Variants in FBXW7 observed in about 807,000 individuals in gnomAD.
The protein encoded by FBXW7 is F-box/WD repeat-containing protein 7.
In FBXW7, 11 loss-of-function variants were observed where a neutral mutation model predicts 86.3. The observed-to-expected ratio is 0.13, with a 90% CI of 0.08 to 0.21. FBXW7 has a LOEUF of 0.21. Among genes scored for constraint, FBXW7 ranks in the 10% least tolerant of loss-of-function variants. The probability of loss-of-function intolerance (pLI) is 1.00; values close to 1 mark genes in which losing one functional copy is unlikely to be tolerated. For synonymous variants in FBXW7, 313 were observed against 297.9 expected (o/e 1.05, Z -0.52); for missense variants, 488 against 847.4 (o/e 0.58, Z 5.27).
intron 4 of FBXW7, among the ~76,000 whole-genome samples, chr4:152,382,945 T>C (rs1735222336): frequency 6.6e-6 from 1 of 152,052 alleles, no homozygotes; most frequent in African/African-American, 2.4e-5. Flanking sequence ...TGAGCACTAT[T>C]TTCAAGTGTG....
chr4:152,479,014 A>G (rs952225416), intron 2 of FBXW7, among the ~76,000 whole-genome samples: 1 of 152,144 alleles, frequency 6.6e-6, no homozygotes, highest in African/African-American at 2.4e-5. Flanking sequence ...GAACTAAAAT[A>G]GGCTTAAAAG....
intron 2 of FBXW7, among the ~76,000 whole-genome samples, chr4:152,456,332 T>C (rs910149695): frequency 1.6e-5 from 2 of 128,846 alleles, no homozygotes; most frequent in African/African-American, 5.9e-5. Context: ...TGGGCAACAG[T>C]CAGGCCCTAT....
intron 4 of FBXW7, among the ~76,000 whole-genome samples, chr4:152,396,692 C>T (rs1736443452): frequency 6.6e-6 from 1 of 152,024 alleles, no homozygotes; most frequent in Non-Finnish European, 1.5e-5. Flanking sequence ...CTAACAATAA[C>T]TCATTTCATT....
Position 152,336,067 on chromosome 4 carries a change from G to A in FBXW7, c.861+1735C>T, listed in dbSNP as rs540463540. Among the ~76,000 whole-genome samples, 8 of 152,222 alleles carry A rather than the reference G, an allele frequency of 5.3e-5. No homozygotes were observed. In the East Asian group the frequency reaches 1.5e-3, roughly 29 times the overall value. ...TTAAATAATAATACTTTGTTTCTGA[G>A]AAGATAATGTTTTCTATATCATTAT... On this transcript the variant is annotated intron_variant, in intron 7 of 13. Transcript: ENST00000281708.
At chr4:152,449,950 T>G (rs1195187391) in intron 2 of FBXW7, among the ~76,000 whole-genome samples, 1 of 152,206 alleles carries the variant, frequency 6.6e-6, no homozygotes, top group Non-Finnish European at 1.5e-5. Context: ...AGCACCCTTT[T>G]TGGGGAAGAT....
intron 7 of FBXW7, among the ~76,000 whole-genome samples, chr4:152,334,695 T>C (rs1217740712): frequency 6.6e-6 from 1 of 152,158 alleles, no homozygotes; most frequent in Non-Finnish European, 1.5e-5. Flanking sequence ...ATAGTGATTA[T>C]GAGATCATCT....
chr4:152,413,516 T>G (rs533010091), intron 2 of FBXW7, among the ~76,000 whole-genome samples: 1 of 152,150 alleles, frequency 6.6e-6, no homozygotes, highest in Non-Finnish European at 1.5e-5. Context: ...TTCTCAAGAT[T>G]ACTAGTTTCA....
intron 2 of FBXW7, among the ~76,000 whole-genome samples, chr4:152,528,708 T>G (rs1749749655): frequency 6.6e-6 from 1 of 152,194 alleles, no homozygotes; most frequent in South Asian, 2.1e-4. Context: ...TCACGTACTT[T>G]GAGAAAATAC....
At chr4:152,472,258 A>G (rs1462479321) in intron 2 of FBXW7, among the ~76,000 whole-genome samples, 1 of 152,230 alleles carries the variant, frequency 6.6e-6, no homozygotes, top group Non-Finnish European at 1.5e-5. Context: ...ACTAAGCTGA[A>G]GATAAACCCA....
rs752024859 is a variant in FBXW7, at chr4:152,328,172, G to A, written c.1418+36C>T. 7 of 1,555,568 alleles carry A rather than the reference G, an allele frequency of 4.5e-6. No homozygotes were observed. In the African/African-American group the frequency reaches 9.8e-5, roughly 22 times the overall value. On this transcript the variant is annotated intron_variant, in intron 11 of 13. Coordinates refer to ENST00000281708, the MANE Select transcript of FBXW7 (RefSeq NM_001349798.2). ...AGGGCCCAAATTCACCAATAATAGA[G>A]GAAGAAGTCCCAACCATGACAAGAT...
chr4:152,436,606 A>G (rs1317715138), intron 2 of FBXW7, among the ~76,000 whole-genome samples: 3 of 152,226 alleles, frequency 2.0e-5, no homozygotes, highest in Non-Finnish European at 4.4e-5. Flanking sequence ...TGACTCTTCT[A>G]GCTGGACAGG....
At chr4:152,508,202 T>C (rs1043715715) in intron 2 of FBXW7, among the ~76,000 whole-genome samples, 12 of 151,756 alleles carry the variant, frequency 7.9e-5, no homozygotes, top group South Asian at 6.2e-4. Flanking sequence ...ATGATGATAA[T>C]AGATGAAATC....
intron 4 of FBXW7, among the ~76,000 whole-genome samples, chr4:152,383,078 G>C (rs1333810535): frequency 1.3e-5 from 2 of 152,102 alleles, no homozygotes; most frequent in Non-Finnish European, 2.9e-5. Flanking sequence ...TTGTACCAGA[G>C]TTTTCAATTG....
At chr4:152,333,600 C>T (rs1035882256) in intron 7 of FBXW7, among the ~76,000 whole-genome samples, 2 of 151,986 alleles carry the variant, frequency 1.3e-5, no homozygotes, top group Non-Finnish European at 2.9e-5. Flanking sequence ...CAATTAAGTT[C>T]AGTTTTCATA....
In FBXW7 at chr4:152,324,516, G is replaced by A. The variant is rs1728832821; in HGVS notation, c.1645-122C>T. 1.1e-5 allele frequency: 8 copies of A among 744,678 alleles called. No individual in the cohort carries two copies. In the South Asian group the frequency reaches 1.3e-4, roughly 12 times the overall value. 46.1% of individuals were successfully genotyped at this position (744,678 alleles called of 1,614,324 possible). A position where few individuals can be genotyped will look rare whatever the true frequency, so the allele number is the denominator to read the frequency against. ...ACAGGTAATGCCAGGAACAAAATGA[G>A]GTACTAAGATAAAGTGGCAATGAGG... On this transcript the variant is annotated intron_variant, in intron 12 of 13. Coordinates refer to ENST00000281708, the MANE Select transcript of FBXW7 (RefSeq NM_001349798.2).
In FBXW7 at chr4:152,496,777, T is replaced by C. The variant is rs143944046; in HGVS notation, c.-120+38164A>G. On this transcript the variant is annotated intron_variant, in intron 2 of 13. Transcript: ENST00000281708. ...CTGTAACCTGTAAATTCAATGAGAT[T>C]CCAATCACATTTCCAACAGGGTTTG... is the stretch of plus-strand genomic sequence containing the variant. Among the ~76,000 whole-genome samples, 33 of 152,334 alleles carry C rather than the reference T, an allele frequency of 2.2e-4. No homozygotes were observed. The East Asian group carries it at 6.0e-3, about 28-fold the overall frequency.
At chr4:152,481,998 T>C (rs1357751216) in intron 2 of FBXW7, among the ~76,000 whole-genome samples, 7 of 152,204 alleles carry the variant, frequency 4.6e-5, no homozygotes, top group Non-Finnish European at 1.0e-4. Flanking sequence ...TTTTGAAGAA[T>C]TTCTACTGTG....
At chr4:152,426,898 A>G (rs1739438934) in intron 2 of FBXW7, among the ~76,000 whole-genome samples, 1 of 152,236 alleles carries the variant, frequency 6.6e-6, no homozygotes, top group South Asian at 2.1e-4. Context: ...TTGGGAAAAC[A>G]GAGTCAAGAA....
chr4:152,535,037 AG>A lies in FBXW7; in HGVS notation c.-212-5del, dbSNP rs760947584. Reference sequence around the variant, plus strand: ...TGCGGAAGGCTCCGGCGCGGTACTGAGGAAGAAGCGGTGCTCGTGTCGCTAA... The same window carrying A: ...TGCGGAAGGCTCCGGCGCGGTACTGAGAAGAAGCGGTGCTCGTGTCGCTAA... On this transcript the variant is annotated splice_polypyrimidine_tract_variant and splice_region_variant and intron_variant, in intron 1 of 13. Coordinates refer to ENST00000281708, the MANE Select transcript of FBXW7 (RefSeq NM_001349798.2). 3 of 152,186 alleles carry A rather than the reference AG, an allele frequency of 2.0e-5. No individual in the cohort carries two copies. Among genetic ancestry groups the A allele is most frequent in the African/African-American group, 4.8e-5 (2 of 41,422 alleles). 9.4% of individuals were successfully genotyped at this position (152,186 alleles called of 1,614,324 possible). A position where few individuals can be genotyped will look rare whatever the true frequency, so the allele number is the denominator to read the frequency against.
Sources: allele counts gnomAD v4.1 joint callset (sites outside exome capture counted in the v4.1 genomes callset), GRCh38; gene constraint gnomAD v4.1.1; transcripts MANE v1.5; gene names NCBI Gene and HGNC (gene_info 2026-07-23, HGNC 2026-07-21).